Variants in SOX5 observed in about 807,000 individuals in gnomAD.
SOX5 encodes the protein transcription factor SOX-5.
SOX5 carries 9 observed loss-of-function variants against 92.0 expected under a neutral mutation model. The observed-to-expected ratio is 0.10, with a 90% confidence interval of 0.06 to 0.17. SOX5 has a LOEUF of 0.17. Among genes scored for constraint, SOX5 ranks in the 10% least tolerant of loss-of-function variants. SOX5 has a pLI of 1.00. For synonymous variants in SOX5, 344 were observed against 336.3 expected (o/e 1.02, Z -0.25); for missense variants, 642 against 944.5 (o/e 0.68, Z 4.20).
intron 3 of SOX5, among the ~76,000 whole-genome samples, chr12:23,767,353 C>T (rs912116487): frequency 7.2e-5 from 11 of 151,986 alleles, no homozygotes; most frequent in Admixed American, 2.0e-4. Context: ...AGCCAAATGA[C>T]CAGAACATCA....
intron 3 of SOX5, among the ~76,000 whole-genome samples, chr12:24,252,552 G>C (rs1240621459): frequency 6.6e-6 from 1 of 151,834 alleles, no homozygotes; most frequent in African/African-American, 2.4e-5. Context: ...TCATCTATTT[G>C]CATTTAATTT....
intron 3 of SOX5, among the ~76,000 whole-genome samples, chr12:23,844,313 C>T (rs2096551563): frequency 6.6e-6 from 1 of 152,122 alleles, no homozygotes; most frequent in Non-Finnish European, 1.5e-5. Flanking sequence ...TGCTTTTGTA[C>T]CATCTTAAAG....
chr12:24,441,058 A>G (rs983442299), intron 1 of SOX5, among the ~76,000 whole-genome samples: 2 of 152,186 alleles, frequency 1.3e-5, no homozygotes, highest in African/African-American at 4.8e-5. Context: ...GGACTTTCAC[A>G]TTCACTTTTA....
chr12:24,383,970 T>C (rs984470341), intron 1 of SOX5, among the ~76,000 whole-genome samples: 4 of 152,154 alleles, frequency 2.6e-5, no homozygotes, highest in Non-Finnish European at 5.9e-5. Context: ...CTCATGATAG[T>C]GAGTTCTCAC....
chr12:23,849,180 A>G (rs1415823587), intron 2 of SOX5, among the ~76,000 whole-genome samples: 1 of 152,186 alleles, frequency 6.6e-6, no homozygotes, highest in African/African-American at 2.4e-5. Context: ...TGTTTCTTTT[A>G]TTATTCAAGT....
chr12:24,406,082 C>A (rs982550782), intron 1 of SOX5, among the ~76,000 whole-genome samples: 1 of 152,148 alleles, frequency 6.6e-6, no homozygotes, highest in African/African-American at 2.4e-5. Flanking sequence ...GGGCTAGGAG[C>A]AGCTCTGCAA....
intron 11 of SOX5, among the ~76,000 whole-genome samples, chr12:23,560,604 C>T (rs1363451852): frequency 6.6e-6 from 1 of 152,150 alleles, no homozygotes; most frequent in Admixed American, 6.5e-5. Context: ...TAATTTGATC[C>T]AAACTGTAAG....
chr12:24,172,122 A>G (rs118061179), intron 4 of SOX5, among the ~76,000 whole-genome samples: 2,899 of 151,920 alleles, frequency 0.019, 37 homozygotes, highest in Non-Finnish European at 0.031. Context: ...TGTGTGCTGT[A>G]AGCAGGCTTG....
chr12:24,449,894 C>T (rs1942012382), intron 1 of SOX5, among the ~76,000 whole-genome samples: 1 of 152,120 alleles, frequency 6.6e-6, no homozygotes, highest in South Asian at 2.1e-4. Flanking sequence ...TGACTGAAAT[C>T]CTCTCCTGAA....
chr12:24,065,591 G>C (rs866105686), intron 4 of SOX5, among the ~76,000 whole-genome samples: 1 of 142,032 alleles, frequency 7.0e-6, no homozygotes, highest in Non-Finnish European at 1.5e-5. Context: ...AGGTTGCAGT[G>C]AGCTGAGATC....
chr12:24,468,023 G>T (rs1234653931), intron 1 of SOX5, among the ~76,000 whole-genome samples: 2 of 152,148 alleles, frequency 1.3e-5, no homozygotes, highest in African/African-American at 2.4e-5. Flanking sequence ...AATGGGCAAC[G>T]CTGTAGGCAA....
intron 1 of SOX5, among the ~76,000 whole-genome samples, chr12:24,460,339 G>A (rs550414234): frequency 1.3e-5 from 2 of 152,194 alleles, no homozygotes; most frequent in Non-Finnish European, 1.5e-5. Flanking sequence ...TCTGCAGAAA[G>A]CATGTCCAAT....
rs1412782721 is a variant in SOX5, at chr12:23,842,179, G to C, written c.481+3804C>G. The stretch of plus-strand genomic sequence containing the variant: ...CATACACTGTTCTCTAGTTGAGAAA[G>C]ATATTTCCTATGGTAGTAGCAGTTA... On this transcript the variant is annotated intron_variant, in intron 3 of 14. Coordinates refer to ENST00000451604, the MANE Select transcript of SOX5 (RefSeq NM_006940.6). 3.9e-5 allele frequency among the ~76,000 whole-genome samples: 6 copies of C among 152,058 alleles called. 1 individual carries two copies. The highest frequency in any genetic ancestry group is 8.8e-5 in the Non-Finnish European group (6 of 68,008).
upstream of SOX5, among the ~76,000 whole-genome samples, chr12:23,954,986 A>T (rs1946107145): frequency 6.6e-6 from 1 of 152,126 alleles, no homozygotes; most frequent in Non-Finnish European, 1.5e-5. Flanking sequence ...TATGATACAT[A>T]ATAAAAGCCA....
At chr12:24,370,252 A>T (rs551511650) in intron 1 of SOX5, among the ~76,000 whole-genome samples, 180 of 152,186 alleles carry the variant, frequency 1.2e-3, no homozygotes, top group African/African-American at 4.0e-3. Flanking sequence ...AGACGGGTGG[A>T]TCATGAGGTC....
chr12:23,908,048 A>G (rs1419220024), intron 1 of SOX5, among the ~76,000 whole-genome samples: 1 of 152,170 alleles, frequency 6.6e-6, no homozygotes, highest in Non-Finnish European at 1.5e-5. Flanking sequence ...CTAAGTCTAA[A>G]TAAATAGCGA....
chr12:23,778,405 G>A (rs938676919), intron 3 of SOX5, among the ~76,000 whole-genome samples: 5 of 152,106 alleles, frequency 3.3e-5, no homozygotes, highest in South Asian at 2.1e-4. Flanking sequence ...ATGAATGAAC[G>A]GGACAATATC....
At chr12:24,527,459 C>A (rs1566395493) in intron 1 of SOX5, among the ~76,000 whole-genome samples, 1 of 152,192 alleles carries the variant, frequency 6.6e-6, no homozygotes, top group East Asian at 1.9e-4. Flanking sequence ...AGTTTATCTA[C>A]AATGACACTC....
chr12:24,293,391 G>A (rs1198215688), intron 2 of SOX5, among the ~76,000 whole-genome samples: 1 of 152,156 alleles, frequency 6.6e-6, no homozygotes, highest in Admixed American at 6.5e-5. Flanking sequence ...TCTTTAATGT[G>A]AGGTAGTTAT....
Sources: allele counts gnomAD v4.1 joint callset (sites outside exome capture counted in the v4.1 genomes callset), GRCh38; gene constraint gnomAD v4.1.1; transcripts MANE v1.5; gene names NCBI Gene and HGNC (gene_info 2026-07-23, HGNC 2026-07-21).